USP50: variants seen among roughly 807,000 people sequenced by gnomAD.
The protein encoded by USP50 is ubiquitin carboxyl-terminal hydrolase 50.
USP50 carries 37 observed loss-of-function variants against 39.2 expected under a neutral mutation model. That is an observed-to-expected ratio of 0.94 (90% CI 0.73 to 1.24). The LOEUF is 1.24. USP50 is among the 50% of genes most tolerant of loss of function. The pLI, the probability that USP50 is intolerant of heterozygous loss-of-function variation, is 0.00. For synonymous variants in USP50, 139 were observed against 144.5 expected, an observed-to-expected ratio of 0.96 and a Z score of 0.27; for missense variants, 374 against 398.2, an observed-to-expected ratio of 0.94 and a Z score of 0.52.
At chr15:50,541,459 G>C (rs187206942) in intron 3 of USP50, among the ~76,000 whole-genome samples, 195 bp from the exon 4 acceptor site, 49 of 152,136 alleles carry the variant, frequency 3.2e-4, no homozygotes, top group African/African-American at 1.1e-3. Context: ...ACTGCAGTGA[G>C]CCGTGTTAGC....
At chr15:50,535,135 T>TCACACACA (rs113407791) in intron 5 of USP50, among the ~76,000 whole-genome samples, 12 of 144,608 alleles carry the variant, frequency 8.3e-5, no homozygotes, top group African/African-American at 3.1e-4. Context: ...TGAAACTCTG[T>TCACACACA]CACACACACA....
At chr15:50,497,254 C>CT (rs778242995), downstream of USP50, 870 of 1,576,590 alleles carry the variant, frequency 5.5e-4, no homozygotes, top group Non-Finnish European at 7.1e-4. Flanking sequence ...GTTTGTCCTC[C>CT]TGTTCAGTGA....
chr15:50,493,384 A>T (rs1424061561), downstream of USP50: 2 of 519,360 alleles, frequency 3.9e-6, no homozygotes, highest in Admixed American at 3.9e-5. Flanking sequence ...AACCCATTTT[A>T]CCTTTCAAAC....
intron 6 of USP50, chr15:50,514,318 G>T (rs981953969): frequency 1.3e-5 from 2 of 152,190 alleles, no homozygotes; most frequent in Non-Finnish European, 2.9e-5. Flanking sequence ...TGTTCTGCTG[G>T]TTACATGGGT....
intron 6 of USP50, among the ~76,000 whole-genome samples, chr15:50,520,823 A>C (rs1367383391): frequency 6.6e-6 from 1 of 152,192 alleles, no homozygotes; most frequent in Non-Finnish European, 1.5e-5. Flanking sequence ...GAGGCTGGGA[A>C]CAACTTGGGG....
intron 1 of USP50, chr15:50,494,164 A>G (rs2052284833): frequency 6.2e-7 from 1 of 1,613,442 alleles, no homozygotes; most frequent in Non-Finnish European, 8.5e-7. Flanking sequence ...TATCAGTCCA[A>G]AGGACTTTAA....
At chr15:50,511,555 T>C (rs1374093840) in intron 6 of USP50, 2 of 152,230 alleles carry the variant, frequency 1.3e-5, no homozygotes, top group Non-Finnish European at 2.9e-5. Flanking sequence ...GGAAATGTGG[T>C]ATATCCTATA....
chr15:50,530,066 G>T, intron 5 of USP50, 137 bp from the exon 6 acceptor site: 1 of 1,242,882 alleles, frequency 8.0e-7, no homozygotes, highest in Non-Finnish European at 1.1e-6. Context: ...CACAACTTTG[G>T]GAGGCCAAGG....
In USP50 at chr15:50,543,625, T is replaced by C. The variant is rs1468062170; in HGVS notation, c.417A>G (p.Leu139=). ...TTTTTAGAGCTTCATGAAGTTCATTTAGGACACAAATCAAGAATTCCTGAG... is the reference window on the plus strand; with the variant it reads ...TTTTTAGAGCTTCATGAAGTTCATTCAGGACACAAATCAAGAATTCCTGAG... ...QDAQEFLICV[L]NELHEALKKY... The change falls in exon 3 of 7, where the codon CTA becomes CTG. Residue 139 remains leucine (L), a synonymous_variant. Transcript: ENST00000532404. 4 of 1,613,590 alleles carry C rather than the reference T, an allele frequency of 2.5e-6. No individual in the cohort carries two copies. Among genetic ancestry groups the C allele is most frequent in the Non-Finnish European group, 3.4e-6 (4 of 1,179,782 alleles).
At chr15:50,518,439 C>G (rs982179157) in intron 6 of USP50, among the ~76,000 whole-genome samples, 1 of 151,652 alleles carries the variant, frequency 6.6e-6, no homozygotes, top group Non-Finnish European at 1.5e-5. Flanking sequence ...TCTCGATCTC[C>G]TGACCTCGTG....
chr15:50,500,313 A>G (rs1303837466), downstream of USP50: 1 of 154,058 alleles, frequency 6.5e-6, no homozygotes, highest in Non-Finnish European at 1.4e-5. Flanking sequence ...GTTTAGCTTC[A>G]TGAGTATCTT....
At chr15:50,496,688 C>T (rs1323174772), downstream of USP50, among the ~76,000 whole-genome samples, 1 of 152,012 alleles carries the variant, frequency 6.6e-6, no homozygotes, top group African/African-American at 2.4e-5. Context: ...TAACTTAGGC[C>T]TACTTTTCAT....
chr15:50,535,776 C>T (rs982089016), intron 5 of USP50, among the ~76,000 whole-genome samples: 1 of 152,084 alleles, frequency 6.6e-6, no homozygotes, highest in African/African-American at 2.4e-5. Flanking sequence ...ATTAGCTGGG[C>T]ATGGTCCTAG....
At chr15:50,494,482 GTATTGCTGAGAAATT>G (rs751129799) in intron 1 of USP50, among the ~76,000 whole-genome samples, 5 of 152,226 alleles carry the variant, frequency 3.3e-5, no homozygotes, top group Non-Finnish European at 5.9e-5. Flanking sequence ...TTAACAAGCA[GTATTGCTGAGAAATT>G]TGCAAATGTT....
At chr15:50,546,200 G>A (rs2053069615) in intron 1 of USP50, among the ~76,000 whole-genome samples, 1 of 152,090 alleles carries the variant, frequency 6.6e-6, no homozygotes, top group Non-Finnish European at 1.5e-5. Flanking sequence ...TTTAAGTACA[G>A]TTATGCCAGT....
intron 5 of USP50, among the ~76,000 whole-genome samples, chr15:50,534,154 CAAT>C (rs1473946141): frequency 1.3e-5 from 2 of 151,852 alleles, no homozygotes; most frequent in Non-Finnish European, 2.9e-5. Flanking sequence ...TTATTCAAAA[CAAT>C]AATAGGGACA....
downstream of USP50, among the ~76,000 whole-genome samples, chr15:50,496,256 C>T (rs966650873): frequency 1.4e-4 from 22 of 152,056 alleles, no homozygotes; most frequent in African/African-American, 5.1e-4. Context: ...CCGAGGTGGG[C>T]GGATCACGAG....
intron 6 of USP50, among the ~76,000 whole-genome samples, chr15:50,524,902 AC>A (rs892774817): frequency 8.6e-5 from 13 of 152,038 alleles, no homozygotes; most frequent in Admixed American, 8.5e-4. Context: ...CAAAAAAAAA[AC>A]CCTACCACCA....
intron 6 of USP50, among the ~76,000 whole-genome samples, chr15:50,516,477 C>T (rs796788108): frequency 4.6e-5 from 7 of 152,002 alleles, no homozygotes; most frequent in Admixed American, 1.3e-4. Context: ...AGTAGCCGGG[C>T]GTGGTGGCGG....
Sources: allele counts gnomAD v4.1 joint callset (sites outside exome capture counted in the v4.1 genomes callset), GRCh38; gene constraint gnomAD v4.1.1; transcripts MANE v1.5; gene names NCBI Gene and HGNC (gene_info 2026-07-23, HGNC 2026-07-21).